PIK3C3: variants seen among roughly 807,000 people sequenced by gnomAD.
PIK3C3 encodes the protein PI3-kinase type 3.
Under a neutral mutation model 126.1 loss-of-function variants are expected in PIK3C3, and 95 were observed. The observed-to-expected ratio is 0.75, with a 90% CI of 0.64 to 0.89. PIK3C3 has a LOEUF of 0.89. PIK3C3 is among the 40% of genes least tolerant of loss of function. The pLI, the probability that PIK3C3 is intolerant of heterozygous loss-of-function variation, is 0.00. For missense variants in PIK3C3, 829 were observed against 1,063.2 expected, an observed-to-expected ratio of 0.78 and a Z score of 3.06; for synonymous variants, 374 against 360.0, an observed-to-expected ratio of 1.04 and a Z score of -0.44.
intron 21 of PIK3C3, among the ~76,000 whole-genome samples, chr18:42,056,283 C>T (rs1455213427): frequency 1.3e-5 from 2 of 152,036 alleles, no homozygotes; most frequent in Admixed American, 6.6e-5. Flanking sequence ...GAATCTTTTA[C>T]ACCTTTTAAT....
intron 4 of PIK3C3, chr18:41,971,360 A>T (rs925713718): frequency 6.6e-6 from 1 of 152,130 alleles, no homozygotes; most frequent in Non-Finnish European, 1.5e-5. Context: ...AAGAATAAGT[A>T]CTTGGGTTGG....
At chr18:41,997,551 CTTTGTCTCCTAGTTTTTA>C (rs1982086600) in intron 9 of PIK3C3, among the ~76,000 whole-genome samples, 1 of 152,112 alleles carries the variant, frequency 6.6e-6, no homozygotes, top group East Asian at 1.9e-4. Context: ...TGATTGTGAA[CTTTGTCTCCTAGTTTTTA>C]AAATAGTCTG....
At chr18:41,998,986 G>A (rs1189250418) in intron 9 of PIK3C3, among the ~76,000 whole-genome samples, 1 of 152,096 alleles carries the variant, frequency 6.6e-6, no homozygotes, top group Admixed American at 6.6e-5. Context: ...AGAAGGCAGT[G>A]CTCAGAAAAC....
chr18:42,001,730 T>C (rs1029259485), intron 9 of PIK3C3, among the ~76,000 whole-genome samples: 9 of 152,274 alleles, frequency 5.9e-5, no homozygotes, highest in African/African-American at 2.2e-4. Context: ...AGAATCTAAG[T>C]TTTAGATTGT....
In PIK3C3 at chr18:42,000,802, C is replaced by G. The variant is rs1340253527; in HGVS notation, c.985-3554C>G. ...TATATAGCCATCAGATCTCATGAGA[C>G]TTACTCACTATCATGAGAACAGCAT... On this transcript the variant is annotated intron_variant, in intron 9 of 24. Coordinates refer to ENST00000262039, the MANE Select transcript of PIK3C3 (RefSeq NM_002647.4). Among the ~76,000 whole-genome samples the G allele has an allele frequency of 2.0e-5, 3 of 152,144 alleles. No homozygotes were observed. In the East Asian group the frequency reaches 5.8e-4, roughly 29 times the overall value.
intron 17 of PIK3C3, among the ~76,000 whole-genome samples, chr18:42,038,051 A>G (rs1230049821): frequency 6.6e-6 from 1 of 152,120 alleles, no homozygotes; most frequent in East Asian, 1.9e-4. Flanking sequence ...TTTTTTTTCC[A>G]AATTAAGTTC....
chr18:42,070,708 A>G (rs1426742179), intron 24 of PIK3C3, among the ~76,000 whole-genome samples: 1 of 152,202 alleles, frequency 6.6e-6, no homozygotes, highest in Admixed American at 6.5e-5. Flanking sequence ...TAATTGCTTT[A>G]TAAAGCTAAT....
rs536023018 is a variant in PIK3C3 at position 42,048,559 on chromosome 18, A to C, written c.2189-972A>C. On this transcript the variant is annotated intron_variant, in intron 20 of 24. Transcript: ENST00000262039. ...TCATTAAACAGGTTAGAAATGATGA[A>C]TATGATATGCCTAGCTAAGAGCCTA... is the stretch of plus-strand genomic sequence containing the variant. Among the ~76,000 whole-genome samples the C allele has an allele frequency of 8.3e-4, 126 of 152,346 alleles. 1 individual carries two copies. The highest frequency in any genetic ancestry group is 3.0e-3 in the African/African-American group (123 of 41,574).
intron 4 of PIK3C3, among the ~76,000 whole-genome samples, chr18:41,973,502 T>C (rs990131964): frequency 6.6e-6 from 1 of 152,114 alleles, no homozygotes; most frequent in African/African-American, 2.4e-5. Context: ...CTTCGGTACT[T>C]ACATTCTTAA....
At chr18:41,984,343 G>A (rs184093334) in intron 4 of PIK3C3, among the ~76,000 whole-genome samples, 147 of 152,130 alleles carry the variant, frequency 9.7e-4, no homozygotes, top group African/African-American at 3.2e-3. Context: ...AACCACTCAA[G>A]TATATCTACA....
At chr18:42,015,711 CT>C in intron 12 of PIK3C3, 145 bp downstream of exon 12, 1 of 633,442 alleles carries the variant, frequency 1.6e-6, no homozygotes. Context: ...ACGTTTATAA[CT>C]TTTCCCCCTC....
Position 41,997,188 on chromosome 18 carries a change from A to G in PIK3C3, c.984+458A>G, listed in dbSNP as rs543412717. Among the ~76,000 whole-genome samples, 8 of 152,248 alleles carry G rather than the reference A, an allele frequency of 5.3e-5. No individual in the cohort carries two copies. In the South Asian group the frequency reaches 1.7e-3, roughly 32 times the overall value. Reference sequence around the variant, plus strand: ...AACCTGGGTGACTAGGAAAATACGTATGCTTTTATAATAACGAAACTACAG... The same window carrying G: ...AACCTGGGTGACTAGGAAAATACGTGTGCTTTTATAATAACGAAACTACAG... On this transcript the variant is annotated intron_variant, in intron 9 of 24. Transcript: ENST00000262039.
intron 10 of PIK3C3, among the ~76,000 whole-genome samples, chr18:42,008,953 A>G (rs1388028293): frequency 1.3e-5 from 2 of 152,074 alleles, no homozygotes; most frequent in South Asian, 2.1e-4. Flanking sequence ...TTTATGTTAT[A>G]TGGTTAACTC....
chr18:42,082,410 A>G lies in PIK3C3; in HGVS notation c.*1273A>G, dbSNP rs1022980485. ...TGTAATTAAGAGACACTCTAGAGGC[A>G]TATGGAATATAGTTTGTATAAAACA... On this transcript the variant is annotated 3_prime_UTR_variant, in exon 25 of 25. Coordinates refer to ENST00000262039, the MANE Select transcript of PIK3C3 (RefSeq NM_002647.4). 2.0e-5 allele frequency: 3 copies of G among 152,222 alleles called. No homozygotes were observed. The highest frequency in any genetic ancestry group is 7.2e-5 in the African/African-American group (3 of 41,464). The allele number at this position is 152,222 out of a possible 1,614,324, so 9.4% of individuals were successfully genotyped here.
At chr18:42,005,321 T>C (rs1567979181) in intron 10 of PIK3C3, among the ~76,000 whole-genome samples, 1 of 152,224 alleles carries the variant, frequency 6.6e-6, no homozygotes. Context: ...AGTATTTGTG[T>C]ATCTAAACAT....
Position 42,085,643 on chromosome 18 carries a change from A to G in PIK3C3, c.*4506A>G, listed in dbSNP as rs1295125737. On this transcript the variant is annotated 3_prime_UTR_variant, in exon 25 of 25. Coordinates refer to ENST00000262039, the MANE Select transcript of PIK3C3 (RefSeq NM_002647.4). ...GTCAATTTTCTGTTGGTCTAATTTTACCAAATAACCCCCTAAATAAGAAGT... is the reference window on the plus strand; with the variant it reads ...GTCAATTTTCTGTTGGTCTAATTTTGCCAAATAACCCCCTAAATAAGAAGT... 1 of 152,244 alleles carries G rather than the reference A, an allele frequency of 6.6e-6. No individual in the cohort carries two copies. The highest frequency in any genetic ancestry group is 1.5e-5 in the Non-Finnish European group (1 of 68,034). The allele number at this position is 152,244 out of a possible 1,614,324, so 9.4% of individuals were successfully genotyped here.
chr18:41,956,853 A>C (rs2144282263), intron 1 of PIK3C3, among the ~76,000 whole-genome samples: 1 of 152,326 alleles, frequency 6.6e-6, no homozygotes, highest in East Asian at 1.9e-4. Context: ...CCTCATTTAT[A>C]AAATGAGAAT....
At chr18:42,056,585 A>G (rs1330809061) in intron 21 of PIK3C3, among the ~76,000 whole-genome samples, 1 of 152,178 alleles carries the variant, frequency 6.6e-6, no homozygotes, top group African/African-American at 2.4e-5. Flanking sequence ...CACCTGTAAT[A>G]TTGTGAGCTT....
chr18:42,013,698 A>G, intron 11 of PIK3C3, 102 bp downstream of exon 11: 2 of 857,922 alleles, frequency 2.3e-6, no homozygotes, highest in South Asian at 3.2e-5. Context: ...TGCTAGTGTT[A>G]CTAATTTTGA....
Sources: allele counts gnomAD v4.1 joint callset (sites outside exome capture counted in the v4.1 genomes callset), GRCh38; gene constraint gnomAD v4.1.1; transcripts MANE v1.5; gene names NCBI Gene and HGNC (gene_info 2026-07-23, HGNC 2026-07-21).